Variants in MMP8 observed in about 807,000 individuals in gnomAD.
MMP8 encodes neutrophil collagenase.
MMP8 carries 67 observed loss-of-function variants against 51.2 expected under a neutral mutation model. The observed-to-expected ratio is 1.31, with a 90% CI of 1.08 to 1.60. The LOEUF (loss-of-function observed/expected upper bound fraction) is 1.60. Ranked by LOEUF, MMP8 falls within the 40% of genes most tolerant of loss-of-function variation. MMP8 has a pLI of 0.00. For synonymous variants in MMP8, 225 were observed against 191.0 expected (o/e 1.18, Z -1.47); for missense variants, 654 against 558.1 (o/e 1.17, Z -1.73).
intron 1 of MMP8, chr11:102,723,225 T>G (rs1861526518): frequency 2.4e-6 from 1 of 409,578 alleles, no homozygotes; most frequent in Admixed American, 3.0e-5. Context: ...ATCATTGATA[T>G]TAGCATTTTA....
intron 5 of MMP8, among the ~76,000 whole-genome samples, chr11:102,717,631 A>C (rs924447753): frequency 1.3e-5 from 2 of 152,134 alleles, no homozygotes; most frequent in Non-Finnish European, 2.9e-5. Flanking sequence ...TTATCTGTAT[A>C]GTCTTCTCCT....
rs768429482 is a variant in MMP8, at chr11:102,718,591, G to A, written c.623-16C>T. 7 of 1,613,542 alleles carry A rather than the reference G, an allele frequency of 4.3e-6. No homozygotes were observed. Among genetic ancestry groups the A allele is most frequent in the African/African-American group, 1.3e-5 (1 of 74,894 alleles). On this transcript the variant is annotated splice_polypyrimidine_tract_variant and intron_variant, in intron 4 of 9. Transcript: ENST00000236826. ...AAGTTGTAATCTGAAATGCAAACAC[G>A]GGTGGTAAACAGCTCAGTGTGGATC...
intron 6 of MMP8, 111 bp downstream of exon 6, chr11:102,716,191 G>A (rs535272115): frequency 5.3e-6 from 4 of 760,274 alleles, no homozygotes; most frequent in Non-Finnish European, 8.5e-6. Flanking sequence ...CCGATGAGAA[G>A]CACAAGTATA....
Position 102,713,735 on chromosome 11 carries a change from G to GTTT in MMP8, c.1294+16_1294+18dup, listed in dbSNP as rs3832755. 277 of 1,477,490 alleles carry GTTT rather than the reference G, an allele frequency of 1.9e-4. No homozygotes were observed. The highest frequency in any genetic ancestry group is 2.1e-4 in the Non-Finnish European group (231 of 1,078,974). The allele number at this position is 1,477,490 out of a possible 1,614,324, so 91.5% of individuals were successfully genotyped here. On this transcript the variant is annotated intron_variant, in intron 9 of 9. Coordinates refer to ENST00000236826, the MANE Select transcript of MMP8 (RefSeq NM_002424.3). ...AACAAACAAACAACACATTTATTAG[G>GTTT]TTTTTTTTTCCTACTTACGTTCTTG...
intron 5 of MMP8, 147 bp from the exon 6 acceptor site, chr11:102,716,566 G>C (rs1364649122): frequency 2.4e-6 from 1 of 414,270 alleles, no homozygotes; most frequent in East Asian, 3.7e-5. Context: ...AAGTATTAAA[G>C]TAATTGTATA....
Position 102,716,376 on chromosome 11 carries a change from G to C in MMP8, c.828C>G (p.Pro276=), listed in dbSNP as rs994469496. 1.2e-5 allele frequency: 19 copies of C among 1,604,304 alleles called. 1 individual carries two copies. The Admixed American group carries it at 2.5e-4, about 21-fold the overall frequency. The stretch of plus-strand genomic sequence containing the variant: ...ATGTCAAACTGGGGTCACAGGGTTT[G>C]GGTGTGCTTGGTCCAGTAGGTTGGA... ...NPIQPTGPST[P]KPCDPSLTFD... is the part of the protein sequence containing the mutation. The change falls in exon 6 of 10, where the codon CCC becomes CCG. Residue 276 remains proline, a synonymous_variant. Transcript: ENST00000236826.
chr11:102,723,490 G>A (rs1249778242), intron 1 of MMP8: 1 of 455,638 alleles, frequency 2.2e-6, no homozygotes, highest in African/African-American at 2.0e-5. Flanking sequence ...AATTCTGGAG[G>A]CTGGGAAGTC....
chr11:102,721,977 G>A (rs943607933), intron 2 of MMP8, among the ~76,000 whole-genome samples: 1 of 152,052 alleles, frequency 6.6e-6, no homozygotes, highest in African/African-American at 2.4e-5. Context: ...ATAAAATGAG[G>A]ATACTAATAT....
In MMP8 at chr11:102,715,389, A is replaced by T; in HGVS notation, c.951T>A (p.Phe317Leu). 6.2e-7 allele frequency: 1 copy of T among 1,613,746 alleles called. No individual in the cohort carries two copies. The highest frequency in any genetic ancestry group is 8.5e-7 in the Non-Finnish European group (1 of 1,179,792). The stretch of plus-strand genomic sequence containing the variant: ...GAAGGGATGGCCAGAATAGAGAAAT[A>T]AAATTCATTTCGACTCTTTGTAGCT... ...HPQLQRVEMNFISLFWPSLPT... is the reference protein window; with the variant it reads ...HPQLQRVEMNLISLFWPSLPT... The change falls in exon 7 of 10, where the codon TTT (phenylalanine) becomes TTA (leucine). Residue 317 changes from phenylalanine to leucine, a missense_variant. Transcript: ENST00000236826.
intron 1 of MMP8, 25 bp downstream of exon 1, chr11:102,724,729 A>T: frequency 1.3e-6 from 2 of 1,550,790 alleles, no homozygotes; most frequent in Non-Finnish European, 1.8e-6. Flanking sequence ...CAAATCAAAC[A>T]TCACCTAACT....
chr11:102,718,591 G>C lies in MMP8; in HGVS notation c.623-16C>G. ...AAGTTGTAATCTGAAATGCAAACAC[G>C]GGTGGTAAACAGCTCAGTGTGGATC... is the stretch of plus-strand genomic sequence containing the variant. On this transcript the variant is annotated splice_polypyrimidine_tract_variant and intron_variant, in intron 4 of 9. Transcript: ENST00000236826. 4.3e-6 allele frequency: 7 copies of C among 1,613,660 alleles called. No individual in the cohort carries two copies. The highest frequency in any genetic ancestry group is 3.3e-5 in the South Asian group (3 of 91,064).
chr11:102,721,313 C>A, intron 4 of MMP8, 88 bp downstream of exon 4: 2 of 1,261,392 alleles, frequency 1.6e-6, no homozygotes, highest in Non-Finnish European at 2.1e-6. Flanking sequence ...ATTATGTTAC[C>A]TTTATTGTGT....
At chr11:102,715,215 C>A in intron 7 of MMP8, 89 bp downstream of exon 7, 1 of 1,470,058 alleles carries the variant, frequency 6.8e-7, no homozygotes, top group South Asian at 1.4e-5. Context: ...CTGTCATTAG[C>A]TCACCATGAA....
At chr11:102,723,362 C>A (rs775862119) in intron 1 of MMP8, 4 of 365,988 alleles carry the variant, frequency 1.1e-5, no homozygotes, top group East Asian at 1.5e-4. Context: ...CCTAACTAGA[C>A]CTCATGCTGC....
chr11:102,718,459 A>G lies in MMP8; in HGVS notation c.739T>C (p.Tyr247His), dbSNP rs1565438928. The change falls in exon 5 of 10, where the codon TAC becomes CAC. Residue 247 changes from tyrosine (Y) to histidine (H), a missense_variant. By Grantham distance (83) the Tyr-to-His change is moderately conservative. Coordinates refer to ENST00000236826, the MANE Select transcript of MMP8 (RefSeq NM_002424.3). ...TCGATGTCATCTTGAGGGAGTGAGT[A>G]GTTGCTGGTTTCCCTGAAAGCATAG... ...PNYAFRETSNYSLPQDDIDGI... is the reference protein window; with the variant it reads ...PNYAFRETSNHSLPQDDIDGI... The G allele has an allele frequency of 6.2e-7, 1 of 1,613,618 alleles. No homozygotes were observed.
chr11:102,724,734 C>T lies in MMP8; in HGVS notation c.102+20G>A. 6 of 1,573,860 alleles carry T rather than the reference C, an allele frequency of 3.8e-6. No individual in the cohort carries two copies. The highest frequency in any genetic ancestry group is 5.2e-6 in the Non-Finnish European group (6 of 1,154,738). ...TAATAATCAGCAAATCAAACATCAC[C>T]TAACTGATAGTTCATTTACCTGAAC... On this transcript the variant is annotated intron_variant, in intron 1 of 9. Coordinates refer to ENST00000236826, the MANE Select transcript of MMP8 (RefSeq NM_002424.3).
At chr11:102,723,316 T>C (rs1472001278) in intron 1 of MMP8, among the ~76,000 whole-genome samples, 6 of 152,226 alleles carry the variant, frequency 3.9e-5, no homozygotes, top group Non-Finnish European at 7.4e-5. Flanking sequence ...ATTTTAAGTT[T>C]GGCTTAAAAG....
At chr11:102,717,789 A>G (rs924924755) in intron 5 of MMP8, among the ~76,000 whole-genome samples, 5 of 152,218 alleles carry the variant, frequency 3.3e-5, no homozygotes, top group African/African-American at 4.8e-5. Context: ...TGTAGGAAAA[A>G]GAATAGTCAT....
At chr11:102,718,042 G>T (rs1861351292) in intron 5 of MMP8, among the ~76,000 whole-genome samples, 1 of 152,038 alleles carries the variant, frequency 6.6e-6, no homozygotes, top group African/African-American at 2.4e-5. Flanking sequence ...GGGAGGCAGA[G>T]GTTGCAGTGA....
Sources: allele counts gnomAD v4.1 joint callset (sites outside exome capture counted in the v4.1 genomes callset), GRCh38; gene constraint gnomAD v4.1.1; transcripts MANE v1.5; gene names NCBI Gene and HGNC (gene_info 2026-07-23, HGNC 2026-07-21).